The following TEKTIP1 variants were observed in gnomAD, a reference collection of about 807,000 sequenced individuals.
The protein encoded by TEKTIP1 is tektin bundle-interacting protein 1.
chr19:3,540,529 T>G, the TEKTIP1 span, among the ~76,000 whole-genome samples: 1 of 151,550 alleles, frequency 6.6e-6, no homozygotes, highest in South Asian at 2.1e-4. Flanking sequence ...GTGCTGGGAT[T>G]ACAGGCGTGA....
At chr19:3,541,779 G>A in the TEKTIP1 span, 3 of 985,316 alleles carry the variant, frequency 3.0e-6, no homozygotes, top group Non-Finnish European at 3.6e-6. Context: ...GCAGGGGTGA[G>A]GGGCTCATTT....
chr19:3,540,332 A>G, the TEKTIP1 span, among the ~76,000 whole-genome samples: 2 of 150,948 alleles, frequency 1.3e-5, no homozygotes, highest in African/African-American at 2.4e-5. Flanking sequence ...ATCTTGGCTC[A>G]CTGCAACCTC....
the TEKTIP1 span, chr19:3,543,593 C>G: frequency 1.3e-6 from 2 of 1,544,364 alleles, no homozygotes; most frequent in Non-Finnish European, 1.7e-6. Flanking sequence ...CTGGCATGAC[C>G]CCATCGTCCC....
the TEKTIP1 span, chr19:3,542,590 C>G: frequency 2.6e-6 from 2 of 762,690 alleles, no homozygotes; most frequent in African/African-American, 3.8e-5. Flanking sequence ...TCTCCTGCCT[C>G]AGCCTCCTGA....
At chr19:3,539,328 C>A in the TEKTIP1 span, 1 of 871,296 alleles carries the variant, frequency 1.1e-6, no homozygotes, top group South Asian at 1.4e-5. Flanking sequence ...TGTCAGGTTA[C>A]ATGGTGTTTG....
At chr19:3,543,836 C>A in the TEKTIP1 span, 1 of 1,532,764 alleles carries the variant, frequency 6.5e-7, no homozygotes, top group South Asian at 1.2e-5. Flanking sequence ...CAGTGCTCAA[C>A]AGGAACCGGT....
the TEKTIP1 span, chr19:3,542,443 G>A: frequency 3.0e-6 from 3 of 985,340 alleles, no homozygotes; most frequent in Non-Finnish European, 3.6e-6. Context: ...ATTCCCAAGA[G>A]CAAGGTCAAA....
At chr19:3,543,310 C>T in the TEKTIP1 span, 3 of 1,549,268 alleles carry the variant, frequency 1.9e-6, no homozygotes, top group South Asian at 2.4e-5. Context: ...AGTACACGCC[C>T]ATGGGACGGG....
the TEKTIP1 span, chr19:3,542,693 G>A: frequency 2.4e-6 from 3 of 1,247,758 alleles, no homozygotes; most frequent in Non-Finnish European, 1.0e-6. Context: ...ATGCTGGCCA[G>A]GCTGGTCTCG....
the TEKTIP1 span, chr19:3,543,692 T>C: frequency 4.6e-6 from 7 of 1,524,172 alleles, no homozygotes; most frequent in Admixed American, 1.4e-4. Context: ...TGAGGCTAGG[T>C]GCAGGGTGGG....
At chr19:3,542,169 A>G in the TEKTIP1 span, 1 of 985,266 alleles carries the variant, frequency 1.0e-6, no homozygotes, top group African/African-American at 1.7e-5. Context: ...TTCATTTCAA[A>G]AGGGTGAGGT....
At chr19:3,541,165 T>G in the TEKTIP1 span, among the ~76,000 whole-genome samples, 1 of 78,848 alleles carries the variant, frequency 1.3e-5, no homozygotes, top group Non-Finnish European at 2.2e-5. Flanking sequence ...CAAGACTCTG[T>G]CTCAAAAAAA....
chr19:3,539,219 C>G, the TEKTIP1 span: 1 of 1,550,864 alleles, frequency 6.4e-7, no homozygotes, highest in Non-Finnish European at 8.7e-7. Context: ...CCTGTATCCC[C>G]TCGGGGACCC....
At chr19:3,543,759 G>A in the TEKTIP1 span, 272 of 1,489,582 alleles carry the variant, frequency 1.8e-4, no homozygotes, top group South Asian at 2.8e-4. Context: ...TGCCCGGGGC[G>A]ATCCAGGAGC....
chr19:3,543,288 CCA>C, the TEKTIP1 span: 2 of 1,548,380 alleles, frequency 1.3e-6, no homozygotes, highest in Non-Finnish European at 1.7e-6. Context: ...ATCAGGCAGG[CCA>C]CACGCTGGAA....
the TEKTIP1 span, chr19:3,543,610 G>T: frequency 6.5e-7 from 1 of 1,544,524 alleles, no homozygotes. Context: ...TCCCTGCCCA[G>T]TACCAGGCCC....
the TEKTIP1 span, chr19:3,539,348 C>G: frequency 3.1e-6 from 2 of 644,036 alleles, no homozygotes; most frequent in South Asian, 3.2e-5. Context: ...GGTTTGGGGT[C>G]TTGCACGTGT....
chr19:3,543,046 GCCTC>G, the TEKTIP1 span: 3 of 1,604,902 alleles, frequency 1.9e-6, no homozygotes, highest in Admixed American at 3.4e-5. Flanking sequence ...GGGGGAGTCA[GCCTC>G]TCTCCTCAAG....
chr19:3,541,855 C>G, the TEKTIP1 span: 1 of 945,136 alleles, frequency 1.1e-6, no homozygotes, highest in Non-Finnish European at 1.3e-6. Context: ...CTCACCCAGG[C>G]TGGAGTGCAG....
Sources: gnomAD v4.1 joint callset for allele counts (sites outside exome capture counted in the v4.1 genomes callset) on GRCh38, gnomAD v4.1.1 for gene constraint, MANE v1.5 for transcripts, NCBI Gene and HGNC (gene_info 2026-07-23, HGNC 2026-07-21) for gene names.